The following CCDC150 variants were observed in gnomAD, a reference collection of about 807,000 sequenced individuals.
The protein encoded by CCDC150 is coiled-coil domain containing 150, also known as coiled-coil domain-containing protein 150.
Under a neutral mutation model 156.5 loss-of-function variants are expected in CCDC150, and 151 were observed. The observed-to-expected ratio is 0.97, with a 90% CI of 0.85 to 1.10. CCDC150 has a LOEUF of 1.10. Among genes scored for constraint, CCDC150 ranks in the 50% least tolerant of loss-of-function variants. CCDC150 has a pLI of 0.00. For missense variants in CCDC150, 1,312 were observed against 1,268.1 expected (o/e 1.03, Z -0.53); for synonymous variants, 452 against 429.4 (o/e 1.05, Z -0.65).
Position 196,642,127 on chromosome 2 carries a change from A to C in CCDC150, c.12+2349A>C, listed in dbSNP as rs534844602. On this transcript the variant is annotated intron_variant, in intron 1 of 27. Coordinates refer to ENST00000389175, the MANE Select transcript of CCDC150 (RefSeq NM_001080539.2). Reference sequence around the variant, plus strand: ...TTTTAAAAATAAAAGTTTATATCTCAGTATTTTTATTATTGTTACTATCAA... The same window carrying C: ...TTTTAAAAATAAAAGTTTATATCTCCGTATTTTTATTATTGTTACTATCAA... 3.3e-5 allele frequency among the ~76,000 whole-genome samples: 5 copies of C among 152,330 alleles called. No individual in the cohort carries two copies. The East Asian group carries it at 9.6e-4, about 29-fold the overall frequency.
chr2:196,728,854 A>T (rs1698365173), intron 22 of CCDC150, among the ~76,000 whole-genome samples: 1 of 152,204 alleles, frequency 6.6e-6, no homozygotes, highest in African/African-American at 2.4e-5. Flanking sequence ...GATGAACCTG[A>T]GGCTTAAGGT....
rs971994384 is a variant in CCDC150 at position 196,713,595 on chromosome 2, T to C, written c.1866+856T>C. ...ACTCTTTTGAATGCTATTAAAACCA[T>C]GGAGGGAAGACTGGAAGGCAAAATA... On this transcript the variant is annotated intron_variant, in intron 17 of 27. Transcript: ENST00000389175. 2.6e-6 allele frequency: 4 copies of C among 1,531,680 alleles called. No homozygotes were observed. The Admixed American group carries it at 6.4e-5, about 25-fold the overall frequency. The allele number at this position is 1,531,680 out of a possible 1,614,324, so 94.9% of individuals were successfully genotyped here.
chr2:196,647,052 T>C (rs1191777868), intron 2 of CCDC150, among the ~76,000 whole-genome samples: 3 of 152,088 alleles, frequency 2.0e-5, no homozygotes, highest in Non-Finnish European at 4.4e-5. Flanking sequence ...AAGCAGCCAA[T>C]TGAGAATTTA....
intron 2 of CCDC150, among the ~76,000 whole-genome samples, chr2:196,656,182 AG>A (rs1396482441): frequency 1.3e-4 from 20 of 152,146 alleles, no homozygotes; most frequent in Admixed American, 1.3e-3. Flanking sequence ...TTCTAGAGGC[AG>A]GTGAATTAAA....
At chr2:196,695,189 A>G (rs1462324200) in intron 14 of CCDC150, 30 bp downstream of exon 14, 1 of 1,172,808 alleles carries the variant, frequency 8.5e-7, no homozygotes, top group South Asian at 1.3e-5. Context: ...TCTAAATAGC[A>G]ATTAATGACT....
intron 21 of CCDC150, 107 bp downstream of exon 21, chr2:196,721,798 A>C: frequency 1.1e-6 from 1 of 926,112 alleles, no homozygotes; most frequent in Non-Finnish European, 1.6e-6. Flanking sequence ...CTTTTCTCCT[A>C]CTTTGCCCTA....
chr2:196,678,736 C>G (rs1051630230), intron 13 of CCDC150, among the ~76,000 whole-genome samples: 3 of 152,014 alleles, frequency 2.0e-5, no homozygotes, highest in Non-Finnish European at 2.9e-5. Flanking sequence ...AACCCTGTCT[C>G]TACTAAAAAT....
At chr2:196,670,041 A>G (rs1450505367) in intron 8 of CCDC150, among the ~76,000 whole-genome samples, 165 bp downstream of exon 8, 2 of 152,204 alleles carry the variant, frequency 1.3e-5, no homozygotes, top group African/African-American at 4.8e-5. Flanking sequence ...TTAGGAACTA[A>G]GAAATCATTT....
At chr2:196,710,284 G>A (rs977638861) in intron 15 of CCDC150, among the ~76,000 whole-genome samples, 7 of 152,264 alleles carry the variant, frequency 4.6e-5, no homozygotes, top group Admixed American at 2.0e-4. Flanking sequence ...GCAAGGCTCC[G>A]TGGGCATAGG....
At chr2:196,689,587 A>G (rs980262150) in intron 13 of CCDC150, among the ~76,000 whole-genome samples, 2 of 152,082 alleles carry the variant, frequency 1.3e-5, no homozygotes, top group Non-Finnish European at 2.9e-5. Flanking sequence ...ATTTTTGTAC[A>G]TTGATTTTGT....
Position 196,646,377 on chromosome 2 carries a change from T to C in CCDC150, c.49T>C (p.Ser17Pro). 4 of 1,613,884 alleles carry C rather than the reference T, an allele frequency of 2.5e-6. No homozygotes were observed. Among genetic ancestry groups the C allele is most frequent in the Non-Finnish European group, 3.4e-6 (4 of 1,179,792 alleles). The change falls in exon 2 of 28, where the codon TCT becomes CCT. Residue 17 changes from serine to proline, a missense_variant. Ser to Pro is a moderately conservative substitution (Grantham distance 74, BLOSUM62 -1). Transcript: ENST00000389175. Reference sequence around the variant, plus strand: ...AACTACAGTGTCCAGACCGGTCCTTTCTCCAACCCACATCAACGCTACAGC... The same window carrying C: ...AACTACAGTGTCCAGACCGGTCCTTCCTCCAACCCACATCAACGCTACAGC... The part of the protein sequence containing the change: ...METTVSRPVL[S>P]PTHINATASE...
chr2:196,710,446 C>A (rs1697027755), intron 15 of CCDC150, among the ~76,000 whole-genome samples: 1 of 152,220 alleles, frequency 6.6e-6, no homozygotes, highest in African/African-American at 2.4e-5. Context: ...CCCTGACCCC[C>A]CTTGCGCTTC....
intron 17 of CCDC150, among the ~76,000 whole-genome samples, chr2:196,717,623 T>C (rs1575950205): frequency 6.6e-6 from 1 of 152,212 alleles, no homozygotes; most frequent in Middle Eastern, 3.4e-3. Flanking sequence ...GGGGCGTGGT[T>C]TCTCGCGCCT....
chr2:196,706,121 C>T (rs760710824), intron 15 of CCDC150, among the ~76,000 whole-genome samples: 5 of 152,164 alleles, frequency 3.3e-5, no homozygotes, highest in Non-Finnish European at 7.4e-5. Flanking sequence ...TATAAATTAC[C>T]TTGGGCAGTA....
intron 1 of CCDC150, among the ~76,000 whole-genome samples, chr2:196,641,256 C>T (rs1391739200): frequency 1.3e-5 from 2 of 152,130 alleles, no homozygotes; most frequent in Admixed American, 6.5e-5. Flanking sequence ...GGATTACAGG[C>T]GTGAGCCACC....
chr2:196,677,745 CT>C (rs1559235817), intron 13 of CCDC150, among the ~76,000 whole-genome samples: 1 of 152,052 alleles, frequency 6.6e-6, no homozygotes, highest in African/African-American at 2.4e-5. Context: ...AATCCCAGCA[CT>C]TTGGGAGGCC....
At chr2:196,706,156 C>G (rs1696618754) in intron 15 of CCDC150, among the ~76,000 whole-genome samples, 1 of 151,406 alleles carries the variant, frequency 6.6e-6, no homozygotes, top group Non-Finnish European at 1.5e-5. Flanking sequence ...TATGGAAGAA[C>G]AAATATTCTT....
intron 13 of CCDC150, among the ~76,000 whole-genome samples, chr2:196,680,666 A>C (rs1309540531): frequency 6.6e-6 from 1 of 152,094 alleles, no homozygotes; most frequent in African/African-American, 2.4e-5. Context: ...TTTGGGTATT[A>C]ATGATTCTGT....
Position 196,719,655 on chromosome 2 carries a change from CAAGA to C in CCDC150, c.2162_2165del (p.Glu721GlyfsTer40). ...GGAGGGATTCAGAGATTGCAGGCCT[CAAGA>C]AAGAAAGGTACCTGTGGTTTTTTTT... On this transcript the variant is annotated frameshift_variant, in exon 19 of 28. Coordinates refer to ENST00000389175, the MANE Select transcript of CCDC150 (RefSeq NM_001080539.2). LOFTEE classifies it high-confidence loss of function. The C allele has an allele frequency of 6.2e-7, 1 of 1,605,832 alleles. No individual in the cohort carries two copies. The highest frequency in any genetic ancestry group is 8.5e-7 in the Non-Finnish European group (1 of 1,176,704).
Sources: allele counts gnomAD v4.1 joint callset (sites outside exome capture counted in the v4.1 genomes callset), GRCh38; gene constraint gnomAD v4.1.1; transcripts MANE v1.5; gene names NCBI Gene and HGNC (gene_info 2026-07-23, HGNC 2026-07-21).